The following IFT25 variants were observed in gnomAD, a reference collection of about 807,000 sequenced individuals.
IFT25 encodes intraflagellar transport protein 25 homolog.
chr1:53,914,852 A>G, the IFT25 span, among the ~76,000 whole-genome samples: 3 of 152,196 alleles, frequency 2.0e-5, no homozygotes, highest in Non-Finnish European at 2.9e-5. Flanking sequence ...AACAAATGCA[A>G]TATGCTATAA....
At chr1:53,943,100 G>T in the IFT25 span, among the ~76,000 whole-genome samples, 1 of 152,256 alleles carries the variant, frequency 6.6e-6, no homozygotes, top group East Asian at 1.9e-4. Context: ...CTCCTGGGGC[G>T]TGAACTGGAC....
chr1:53,913,251 T>C, the IFT25 span, among the ~76,000 whole-genome samples: 2 of 152,228 alleles, frequency 1.3e-5, no homozygotes, highest in African/African-American at 4.8e-5. Flanking sequence ...GAGCTCCCTA[T>C]GGGATCAGAC....
At chr1:53,916,178 CAAA>C in the IFT25 span, among the ~76,000 whole-genome samples, 12 of 68,418 alleles carry the variant, frequency 1.8e-4, no homozygotes, top group Admixed American at 4.9e-4. Flanking sequence ...GACCTGCTCT[CAAA>C]AAAAAAAAAA....
At chr1:53,929,991 C>G in the IFT25 span, 1 of 1,512,266 alleles carries the variant, frequency 6.6e-7, no homozygotes, top group South Asian at 1.4e-5. Flanking sequence ...TTAGCCTTAC[C>G]TGGAGCACCA....
chr1:53,939,966 A>T, the IFT25 span: 1 of 1,412,744 alleles, frequency 7.1e-7, no homozygotes, highest in South Asian at 1.2e-5. Context: ...TGTAAACAAC[A>T]AAGTATAGTA....
chr1:53,934,428 T>C, the IFT25 span, among the ~76,000 whole-genome samples: 1 of 152,258 alleles, frequency 6.6e-6, no homozygotes, highest in Admixed American at 6.5e-5. Flanking sequence ...TCCTTCTAGC[T>C]ATTTTAAATA....
the IFT25 span, chr1:53,929,968 G>C: frequency 1.2e-5 from 17 of 1,449,348 alleles, no homozygotes; most frequent in Non-Finnish European, 1.5e-5. Context: ...AAAGGATAAT[G>C]AAAACTAAAA....
At chr1:53,929,955 A>G in the IFT25 span, 3 of 1,459,192 alleles carry the variant, frequency 2.1e-6, no homozygotes, top group African/African-American at 4.5e-5. Context: ...TGTGGAAAAA[A>G]TGAAAGGATA....
chr1:53,939,321 T>G, the IFT25 span, among the ~76,000 whole-genome samples: 2,229 of 150,412 alleles, frequency 0.015, 67 homozygotes, highest in African/African-American at 0.051. Context: ...AACCTGGGAG[T>G]TGGAGGTTGC....
the IFT25 span, chr1:53,928,557 G>T: frequency 1.5e-6 from 1 of 664,198 alleles, no homozygotes; most frequent in South Asian, 1.9e-5. Flanking sequence ...AGAGCACTGG[G>T]ATCAGAAACA....
At chr1:53,938,700 A>C in the IFT25 span, among the ~76,000 whole-genome samples, 7 of 152,202 alleles carry the variant, frequency 4.6e-5, no homozygotes, top group Non-Finnish European at 8.8e-5. Context: ...CTACAATTAG[A>C]TGATTCTATG....
chr1:53,940,133 T>G, the IFT25 span: 1 of 1,054,872 alleles, frequency 9.5e-7, no homozygotes, highest in Non-Finnish European at 1.4e-6. Flanking sequence ...AGCAACTTCT[T>G]GATTCTCTAA....
chr1:53,914,213 C>T, the IFT25 span, among the ~76,000 whole-genome samples: 30 of 152,316 alleles, frequency 2.0e-4, no homozygotes, highest in South Asian at 8.3e-4. Flanking sequence ...AACCATGACA[C>T]GTTTAATAAA....
the IFT25 span, among the ~76,000 whole-genome samples, chr1:53,922,014 C>T: frequency 1.3e-5 from 2 of 152,320 alleles, no homozygotes; most frequent in African/African-American, 4.8e-5. Context: ...CACCGTGTTG[C>T]CCAGGCTGGT....
the IFT25 span, chr1:53,928,303 G>T: frequency 2.4e-6 from 3 of 1,228,186 alleles, no homozygotes; most frequent in Non-Finnish European, 3.6e-6. Context: ...GCAGCTAGAT[G>T]AGAAATGCAG....
At chr1:53,926,144 A>G in the IFT25 span, among the ~76,000 whole-genome samples, 13 of 151,782 alleles carry the variant, frequency 8.6e-5, no homozygotes, top group South Asian at 2.1e-4. Flanking sequence ...TTTCATCTCT[A>G]AATACTTTTT....
the IFT25 span, chr1:53,945,441 T>G: frequency 6.6e-6 from 1 of 151,582 alleles, no homozygotes; most frequent in African/African-American, 2.4e-5. Flanking sequence ...CGCGCGTCTC[T>G]TCACCACCCC....
the IFT25 span, among the ~76,000 whole-genome samples, chr1:53,917,767 C>T: frequency 6.6e-6 from 1 of 151,790 alleles, no homozygotes; most frequent in South Asian, 2.1e-4. Context: ...GCACAGGTTG[C>T]AGTGAGCTGA....
the IFT25 span, among the ~76,000 whole-genome samples, chr1:53,920,124 T>C: frequency 3.9e-5 from 6 of 152,328 alleles, no homozygotes; most frequent in African/African-American, 1.2e-4. Context: ...AATTCTATCA[T>C]ATCTTCCACA....
Sources: allele counts gnomAD v4.1 joint callset (sites outside exome capture counted in the v4.1 genomes callset), GRCh38; gene constraint gnomAD v4.1.1; transcripts MANE v1.5; gene names NCBI Gene and HGNC (gene_info 2026-07-23, HGNC 2026-07-21).